The following TRDN variants were observed in gnomAD, a reference collection of about 807,000 sequenced individuals.
TRDN encodes the protein triadin.
A neutral mutation model predicts 149.7 loss-of-function variants in TRDN; 161 were observed. The ratio of observed to expected loss-of-function variants is 1.08; its 90% CI spans 0.95 to 1.23. TRDN has a LOEUF of 1.23. TRDN is among the 50% of genes most tolerant of loss of function. The pLI, the probability that TRDN is intolerant of heterozygous loss-of-function variation, is 0.00. For missense variants in TRDN, 896 were observed against 823.5 expected (o/e 1.09, Z -1.08); for synonymous variants, 294 against 250.5 (o/e 1.17, Z -1.64).
intron 2 of TRDN, among the ~76,000 whole-genome samples, chr6:123,565,559 T>C (rs1782242457): frequency 6.6e-6 from 1 of 152,208 alleles, no homozygotes; most frequent in South Asian, 2.1e-4. Context: ...ATCCCTTATA[T>C]GTATGTTTTC....
intron 19 of TRDN, among the ~76,000 whole-genome samples, chr6:123,373,201 T>C (rs967093365): frequency 5.9e-5 from 9 of 152,146 alleles, no homozygotes; most frequent in African/African-American, 9.7e-5. Context: ...TGGGAGGTAA[T>C]TGAATCATGG....
intron 37 of TRDN, 88 bp downstream of exon 37, chr6:123,254,993 G>T (rs750528394): frequency 3.7e-6 from 3 of 812,182 alleles, no homozygotes; most frequent in South Asian, 1.6e-5. Flanking sequence ...AGATTTCTTT[G>T]TTCCAAAATA....
chr6:123,339,476 T>C (rs188516903), intron 21 of TRDN, among the ~76,000 whole-genome samples: 83 of 152,294 alleles, frequency 5.4e-4, no homozygotes, highest in African/African-American at 2.0e-3. Flanking sequence ...GTGTTTCATA[T>C]GTCAACAGGA....
chr6:123,453,023 T>C (rs1775884747), intron 10 of TRDN, among the ~76,000 whole-genome samples: 2 of 151,944 alleles, frequency 1.3e-5, no homozygotes, highest in South Asian at 2.1e-4. Context: ...TTTCAACAAA[T>C]GGTGCTGGGA....
chr6:123,556,735 T>C lies in TRDN; in HGVS notation c.233-8123A>G, dbSNP rs536543449. 1.6e-3 allele frequency among the ~76,000 whole-genome samples: 239 copies of C among 152,132 alleles called. 1 individual carries two copies. The highest frequency in any genetic ancestry group is 5.6e-3 in the African/African-American group (234 of 41,490). On this transcript the variant is annotated intron_variant, in intron 2 of 40. Coordinates refer to ENST00000334268, the MANE Select transcript of TRDN (RefSeq NM_006073.4). ...CCTTATGACTTCTGGATAATACCAA[T>C]ATTAGACTAAAATGACCAGTCTGTC...
intron 2 of TRDN, among the ~76,000 whole-genome samples, chr6:123,558,132 G>A (rs770327129): frequency 9.9e-5 from 15 of 151,908 alleles, no homozygotes; most frequent in South Asian, 6.2e-4. Context: ...TTTACACATC[G>A]GTCCCTCCCT....
chr6:123,271,680 T>C (rs372909223), intron 29 of TRDN, among the ~76,000 whole-genome samples: 6 of 151,984 alleles, frequency 3.9e-5, no homozygotes, highest in African/African-American at 1.4e-4. Context: ...TTCTCAGTGA[T>C]TTTTCATAGT....
chr6:123,317,152 C>T (rs143238845), intron 23 of TRDN, among the ~76,000 whole-genome samples: 48 of 151,920 alleles, frequency 3.2e-4, no homozygotes, highest in Non-Finnish European at 5.7e-4. Context: ...AAGTAATACT[C>T]ATAGCACAAC....
In TRDN at chr6:123,594,666, C is replaced by T. The variant is rs539928465; in HGVS notation, c.23-23534G>A. Among the ~76,000 whole-genome samples the T allele has an allele frequency of 1.2e-3, 187 of 151,888 alleles. 1 individual carries two copies. Among genetic ancestry groups the T allele is most frequent in the African/African-American group, 4.3e-3 (177 of 41,446 alleles). ...TTAAATGATTCTACAATAATTTATT[C>T]AACAAAATCCACTACCCTCAGAACC... is the stretch of plus-strand genomic sequence containing the variant. On this transcript the variant is annotated intron_variant, in intron 1 of 40. Transcript: ENST00000334268.
At chr6:123,452,990 A>G (rs1775882136) in intron 10 of TRDN, among the ~76,000 whole-genome samples, 1 of 152,094 alleles carries the variant, frequency 6.6e-6, no homozygotes, top group African/African-American at 2.4e-5. Context: ...AAACAAAAAC[A>G]TAAAGTAGGG....
chr6:123,238,221 C>A (rs1775858372), intron 38 of TRDN, among the ~76,000 whole-genome samples: 1 of 152,044 alleles, frequency 6.6e-6, no homozygotes, highest in African/African-American at 2.4e-5. Flanking sequence ...ATTAAACTGG[C>A]AAACATATAA....
intron 19 of TRDN, among the ~76,000 whole-genome samples, chr6:123,370,646 T>A (rs897526592): frequency 6.6e-6 from 1 of 152,158 alleles, no homozygotes; most frequent in Admixed American, 6.6e-5. Context: ...TTTTTCTCCC[T>A]AAATTCTGCA....
intron 4 of TRDN, among the ~76,000 whole-genome samples, chr6:123,536,131 G>A (rs1490103773): frequency 1.3e-5 from 2 of 152,074 alleles, no homozygotes; most frequent in Non-Finnish European, 1.5e-5. Context: ...AACATTTAGA[G>A]CATCATTTGT....
chr6:123,476,712 A>T lies in TRDN; in HGVS notation c.854-11729T>A, dbSNP rs1298413574. ...GCATGGTACTGGTACCAAAACAGAG[A>T]TATAGATCAATGGAACAGAACAGAG... On this transcript the variant is annotated intron_variant, in intron 9 of 40. Transcript: ENST00000334268. Among the ~76,000 whole-genome samples the T allele has an allele frequency of 2.7e-5, 4 of 147,212 alleles. No homozygotes were observed. The East Asian group carries it at 8.3e-4, about 31-fold the overall frequency.
intron 8 of TRDN, chr6:123,501,990 A>T (rs1317098139): frequency 1.0e-6 from 1 of 984,968 alleles, no homozygotes; most frequent in African/African-American, 1.7e-5. Flanking sequence ...AATTAACATC[A>T]AAAAATACAT....
intron 12 of TRDN, among the ~76,000 whole-genome samples, chr6:123,413,856 T>G (rs1286315143): frequency 6.6e-6 from 1 of 152,118 alleles, no homozygotes; most frequent in Non-Finnish European, 1.5e-5. Context: ...ATCTTTTTAG[T>G]AATGACTAAA....
At chr6:123,338,801 A>G (rs147393843) in intron 21 of TRDN, among the ~76,000 whole-genome samples, 2 of 152,330 alleles carry the variant, frequency 1.3e-5, no homozygotes, top group African/African-American at 4.8e-5. Flanking sequence ...GTAGTTAATC[A>G]ACAAAGAGCA....
intron 35 of TRDN, among the ~76,000 whole-genome samples, chr6:123,256,409 C>T (rs1776565853): frequency 6.6e-6 from 1 of 152,090 alleles, no homozygotes; most frequent in Admixed American, 6.6e-5. Flanking sequence ...TGAGGAATCG[C>T]CACACTGTCT....
At chr6:123,497,716 T>G (rs559589593) in intron 8 of TRDN, among the ~76,000 whole-genome samples, 10 of 152,268 alleles carry the variant, frequency 6.6e-5, no homozygotes, top group Non-Finnish European at 1.0e-4. Flanking sequence ...GCAGAATGTC[T>G]TTTCCAAAAG....
Sources: gnomAD v4.1 joint callset for allele counts (sites outside exome capture counted in the v4.1 genomes callset) on GRCh38, gnomAD v4.1.1 for gene constraint, MANE v1.5 for transcripts, NCBI Gene and HGNC (gene_info 2026-07-23, HGNC 2026-07-21) for gene names.